SCO2: variants seen among roughly 807,000 people sequenced by gnomAD.
SCO2 encodes the protein synthesis of cytochrome C oxidase 2.
For synonymous variants in SCO2, 195 were observed against 148.6 expected, an observed-to-expected ratio of 1.31 and a Z score of -2.27; for missense variants, 429 against 348.7, an observed-to-expected ratio of 1.23 and a Z score of -1.83.
chr22:50,525,532 C>T lies in SCO2; in HGVS notation c.-74G>A, dbSNP rs1569521853. On this transcript the variant is annotated 5_prime_UTR_variant, in exon 1 of 2. Transcript: ENST00000395693. ...GAGAGGAAGCGCCGACCTCCAGCTC[C>T]CTGCGCTCTGCCCCGCCGGCTCAGG... The T allele has an allele frequency of 6.5e-6, 4 of 615,720 alleles. No individual in the cohort carries two copies. Among genetic ancestry groups the T allele is most frequent in the South Asian group, 2.0e-5 (1 of 50,358 alleles). 38.1% of individuals were successfully genotyped at this position (615,720 alleles called of 1,614,324 possible).
In SCO2 at chr22:50,524,368, G is replaced by A. The variant is rs759793876; in HGVS notation, c.44C>T (p.Ser15Phe). ...TRSPTAWHRL[S>F]QLKPRVLPGT... ...AGGGAGGACCCGAGGCTTGAGCTGA[G>A]AGAGCCTGTGCCAAGCTGTGGGGCT... The change falls in exon 2 of 2, where the codon TCT (serine) becomes TTT (phenylalanine). Residue 15 changes from serine to phenylalanine, a missense_variant. Transcript: ENST00000395693. 1.9e-6 allele frequency: 3 copies of A among 1,602,594 alleles called. No homozygotes were observed. Among genetic ancestry groups the A allele is most frequent in the Non-Finnish European group, 8.5e-7 (1 of 1,179,932 alleles).
upstream of SCO2, chr22:50,526,140 G>A (rs1227766129): frequency 6.1e-6 from 9 of 1,484,684 alleles, no homozygotes; most frequent in East Asian, 2.8e-5. Flanking sequence ...GCTCCACGGT[G>A]CCTGCGGGGA....
At chr22:50,525,734 G>A (rs774411440), upstream of SCO2, 4 of 1,601,368 alleles carry the variant, frequency 2.5e-6, no homozygotes, top group African/African-American at 1.3e-5. Flanking sequence ...TTCCGCTCCC[G>A]CCCAAGCACT....
upstream of SCO2, chr22:50,526,056 G>C (rs1439176518): frequency 7.4e-6 from 11 of 1,482,662 alleles, no homozygotes; most frequent in Non-Finnish European, 9.8e-6. Flanking sequence ...CCCCCAGGCG[G>C]AGCGGCTCCC....
chr22:50,524,158 A>T lies in SCO2; in HGVS notation c.254T>A (p.Leu85Gln), dbSNP rs979868618. Residue 85 changes from leucine (L) to glutamine (Q), a missense_variant, in exon 2 of 2, where the codon CTG (leucine) becomes CAG (glutamine). Physicochemically the swap from Leu to Gln is moderately radical, Grantham distance 113. Coordinates refer to ENST00000395693, the MANE Select transcript of SCO2 (RefSeq NM_005138.3). ...WLALRAEKER[L>Q]QQQKRTEALR... The stretch of plus-strand genomic sequence containing the variant: ...GGCTTCTGTTCGCTTTTGCTGCTGC[A>T]GCCTCTCCTTCTCAGCCCTCAGGGC... 6.8e-6 allele frequency: 11 copies of T among 1,611,058 alleles called. No individual in the cohort carries two copies. The highest frequency in any genetic ancestry group is 1.3e-5 in the African/African-American group (1 of 74,926).
chr22:50,525,895 G>A (rs2069336743), upstream of SCO2: 5 of 1,563,988 alleles, frequency 3.2e-6, no homozygotes, highest in Non-Finnish European at 4.3e-6. Flanking sequence ...GGGCCGTCCC[G>A]GTGCACGCGG....
At position 50,524,254 on chromosome 22, in the gene SCO2, T is replaced by C; in HGVS notation, c.158A>G (p.Gln53Arg). The C allele has an allele frequency of 6.2e-7, 1 of 1,605,308 alleles. No homozygotes were observed. The highest frequency in any genetic ancestry group is 1.1e-5 in the South Asian group (1 of 91,046). Residue 53 changes from glutamine to arginine, a missense_variant, in exon 2 of 2, where the codon CAG becomes CGG. By Grantham distance (43) the Gln-to-Arg change is conservative (BLOSUM62 1). Coordinates refer to ENST00000395693, the MANE Select transcript of SCO2 (RefSeq NM_005138.3). ...PAETGGQGQP[Q>R]GPGLRTRLLI... Reference sequence around the variant, plus strand: ...CAGCCGGGTTCGAAGCCCAGGGCCCTGGGGCTGGCCCTGCCCACCTGTCTC... The same window carrying C: ...CAGCCGGGTTCGAAGCCCAGGGCCCCGGGGCTGGCCCTGCCCACCTGTCTC...
chr22:50,526,105 A>C (rs2069355122), upstream of SCO2: 1 of 1,489,424 alleles, frequency 6.7e-7, no homozygotes, highest in Non-Finnish European at 8.9e-7. Context: ...GTGCAGCACC[A>C]GCGCCAGCGG....
upstream of SCO2, chr22:50,526,128 C>T (rs1385879743): frequency 3.4e-6 from 5 of 1,488,804 alleles, no homozygotes; most frequent in Middle Eastern, 2.1e-4. Context: ...GCGCCCGGAC[C>T]AGCTCCACGG....
Position 50,524,186 on chromosome 22 carries a change from G to C in SCO2, c.226C>G (p.Leu76Val). 1 of 1,609,252 alleles carries C rather than the reference G, an allele frequency of 6.2e-7. No homozygotes were observed. The highest frequency in any genetic ancestry group is 8.5e-7 in the Non-Finnish European group (1 of 1,179,926). ...LFGAGLGGAW[L>V]ALRAEKERLQ... ...CTCTCCTTCTCAGCCCTCAGGGCCA[G>C]CCAGGCCCCACCGAGTCCAGCCCCG... Residue 76 changes from leucine (L) to valine (V), a missense_variant, in exon 2 of 2, where the codon CTG becomes GTG. Coordinates refer to ENST00000395693, the MANE Select transcript of SCO2 (RefSeq NM_005138.3).
intron 1 of SCO2, chr22:50,524,741 C>T (rs1280439373): frequency 2.5e-5 from 14 of 552,258 alleles, no homozygotes; most frequent in Non-Finnish European, 2.8e-5. Flanking sequence ...CCTGAACTAA[C>T]CACGTTATCT....
rs1470981109 is a variant in SCO2 at position 50,523,619 on chromosome 22, G to C, written c.793C>G (p.Leu265Val). 17 of 1,613,438 alleles carry C rather than the reference G, an allele frequency of 1.1e-5. No individual in the cohort carries two copies. Among genetic ancestry groups the C allele is most frequent in the Non-Finnish European group, 1.4e-5 (16 of 1,179,984 alleles). Reference protein sequence around the residue: ...RRHMAAFRSVLS With the variant: ...RRHMAAFRSVVS ...GCCCAGACTGCAGTGGCTCAAGACAGGACACTGCGGAAAGCCGCCATGTGC... is the reference window on the plus strand; with the variant it reads ...GCCCAGACTGCAGTGGCTCAAGACACGACACTGCGGAAAGCCGCCATGTGC... The change falls in exon 2 of 2, where the codon CTG becomes GTG. Residue 265 changes from leucine to valine, a missense_variant. Leu to Val is a conservative substitution (Grantham distance 32). Transcript: ENST00000395693.
chr22:50,525,077 T>C (rs1264345720), intron 1 of SCO2, among the ~76,000 whole-genome samples: 1 of 152,188 alleles, frequency 6.6e-6, no homozygotes, highest in African/African-American at 2.4e-5. Flanking sequence ...CTTTGAGCCT[T>C]TCCCACGGGC....
rs1289392712 is a variant in SCO2 at position 50,523,653 on chromosome 22, A to G, written c.759T>C (p.Ser253=). Residue 253 remains serine, a synonymous_variant, in exon 2 of 2, where the codon AGT becomes AGC. Coordinates refer to ENST00000395693, the MANE Select transcript of SCO2 (RefSeq NM_005138.3). ...GGAAAGCCGCCATGTGCCGCCGCAC[A>G]CTGTCTGAGATCTGCTCAGCCGATC... ...RSRSAEQISD[S]VRRHMAAFRS... 59 of 1,613,870 alleles carry G rather than the reference A, an allele frequency of 3.7e-5. No individual in the cohort carries two copies. Among genetic ancestry groups the G allele is most frequent in the East Asian group, 1.6e-4 (7 of 44,896 alleles).
rs1245488256 is a variant in SCO2 at position 50,523,869 on chromosome 22, G to A, written c.543C>T (p.Val181=). ...CCAACAGTCTTGGGTGGAAGTCCTG[G>A]ACGTAGCGGGCCATGGCTTCAACGT... The part of the protein sequence containing the change: ...RDDVEAMARY[V]QDFHPRLLGL... Residue 181 remains valine (V), a synonymous_variant, in exon 2 of 2, where the codon GTC becomes GTT. Transcript: ENST00000395693. 1 of 1,613,956 alleles carries A rather than the reference G, an allele frequency of 6.2e-7. No individual in the cohort carries two copies. The highest frequency in any genetic ancestry group is 1.3e-5 in the African/African-American group (1 of 75,046).
At chr22:50,524,917 G>C in intron 1 of SCO2, 1 of 332,862 alleles carries the variant, frequency 3.0e-6, no homozygotes. Context: ...TACCCCCGGA[G>C]CTCAGACTCT....
chr22:50,524,011 G>C lies in SCO2; in HGVS notation c.401C>G (p.Pro134Arg). 2 of 1,613,412 alleles carry C rather than the reference G, an allele frequency of 1.2e-6. No homozygotes were observed. Among genetic ancestry groups the C allele is most frequent in the Non-Finnish European group, 1.7e-6 (2 of 1,179,994 alleles). ...CTCCAGCTCGTCTGGGCAGATGTCA[G>C]GGCAGTGAGTGAAGCCAAAGTACAT... ...VLMYFGFTHCPDICPDELEKL... is the reference protein window; with the variant it reads ...VLMYFGFTHCRDICPDELEKL... Residue 134 changes from proline to arginine, a missense_variant, in exon 2 of 2, where the codon CCT becomes CGT. Physicochemically the swap from Pro to Arg is moderately radical, Grantham distance 103 (BLOSUM62 -2). Transcript: ENST00000395693.
chr22:50,525,186 G>A (rs566334338), intron 1 of SCO2, among the ~76,000 whole-genome samples: 1 of 152,236 alleles, frequency 6.6e-6, no homozygotes, highest in South Asian at 2.1e-4. Flanking sequence ...CCCCCGCCCG[G>A]GCGGTTCTGG....
At chr22:50,525,622 G>C, upstream of SCO2, 1 of 1,243,784 alleles carries the variant, frequency 8.0e-7, no homozygotes, top group Non-Finnish European at 1.1e-6. Context: ...ATGCGCACAC[G>C]GGCGCAGCCG....
Sources: gnomAD v4.1 joint callset for allele counts (sites outside exome capture counted in the v4.1 genomes callset) on GRCh38, gnomAD v4.1.1 for gene constraint, MANE v1.5 for transcripts, NCBI Gene and HGNC (gene_info 2026-07-23, HGNC 2026-07-21) for gene names.